The following PDXK variants were observed in gnomAD, a reference collection of about 807,000 sequenced individuals.
The protein encoded by PDXK is epididymis secretory sperm binding protein Li 1a.
In PDXK, 15 loss-of-function variants were observed where a neutral mutation model predicts 43.2. The observed-to-expected ratio is 0.35, with a 90% CI of 0.23 to 0.53. The LOEUF (loss-of-function observed/expected upper bound fraction) is 0.53. PDXK is among the 20% of genes least tolerant of loss of function. PDXK has a pLI of 0.92. For synonymous variants in PDXK, 172 were observed against 165.4 expected (o/e 1.04, Z -0.31); for missense variants, 343 against 417.0 (o/e 0.82, Z 1.54).
Position 43,737,459 on chromosome 21 carries a change from C to T in PDXK, c.142+3336C>T, listed in dbSNP as rs1218050091. On this transcript the variant is annotated intron_variant, in intron 2 of 10. Coordinates refer to ENST00000291565, the MANE Select transcript of PDXK (RefSeq NM_003681.5). This position sits in a 1 kb window ranked among gnomAD's most constrained non-coding sequence, Gnocchi z 4.8. Reference sequence around the variant, plus strand: ...GCCCCTTTGAGAGGATTTCCTGGAGCTCCCTGTCTGAGCTTCCCGGACTGA... The same window carrying T: ...GCCCCTTTGAGAGGATTTCCTGGAGTTCCCTGTCTGAGCTTCCCGGACTGA... 1.0e-5 allele frequency: 11 copies of T among 1,069,834 alleles called. No individual in the cohort carries two copies. In the Admixed American group the frequency reaches 1.5e-4, roughly 14 times the overall value. 66.3% of individuals were successfully genotyped at this position (1,069,834 alleles called of 1,614,324 possible).
chr21:43,755,790 G>C, intron 10 of PDXK, 26 bp downstream of exon 10: 1 of 1,603,806 alleles, frequency 6.2e-7, no homozygotes. Flanking sequence ...TGCATGGGCT[G>C]CGTGGGCTCC....
chr21:43,727,573 C>G (rs2083267136), intron 1 of PDXK, among the ~76,000 whole-genome samples: 2 of 152,294 alleles, frequency 1.3e-5, no homozygotes, highest in South Asian at 4.1e-4. Flanking sequence ...GTGACAGTCA[C>G]CAAGCCTCTG....
At chr21:43,738,642 T>C (rs1303784531) in intron 2 of PDXK, 1 of 152,424 alleles carries the variant, frequency 6.6e-6, no homozygotes, top group African/African-American at 2.4e-5. Context: ...TTCGAAGCAC[T>C]GGACTGTGGA....
rs1242694522 is a variant in PDXK at position 43,733,349 on chromosome 21, CAG to C, written c.88-719_88-718del. 5.4e-5 allele frequency among the ~76,000 whole-genome samples: 8 copies of C among 147,162 alleles called. No individual in the cohort carries two copies. The South Asian group carries it at 6.4e-4, about 12-fold the overall frequency. ...TGGCTTTGAACTTGAAGGTGGGACTCAGGGGTGGTTGGCTGTTCAGATGCAGC... is the reference window on the plus strand; with the variant it reads ...TGGCTTTGAACTTGAAGGTGGGACTCGGGTGGTTGGCTGTTCAGATGCAGC... On this transcript the variant is annotated intron_variant, in intron 1 of 10. Transcript: ENST00000291565.
chr21:43,719,381 G>A lies in PDXK; in HGVS notation c.87G>A (p.Gln29=). The stretch of plus-strand genomic sequence containing the variant: ...ACCGGGCGGCCACGTTCCCGCTGCA[G>A]GTACGCATCCGCCCGCAGCCCGGGC... ...VGNRAATFPL[Q]VLGFEIDAVN... Residue 29 remains glutamine (Q), a splice_region_variant and synonymous_variant, in exon 1 of 11, where the codon CAG becomes CAA. Transcript: ENST00000291565. 1 of 1,522,750 alleles carries A rather than the reference G, an allele frequency of 6.6e-7. No homozygotes were observed. 94.3% of individuals were successfully genotyped at this position (1,522,750 alleles called of 1,614,324 possible). A position where few individuals can be genotyped will look rare whatever the true frequency, so the allele number is the denominator to read the frequency against.
rs903710833 is a variant in PDXK, at chr21:43,754,682, G to A, written c.759+963G>A. ...CCCTTTGGAATGTGGGGCAGGGCAG[G>A]GGTGCCATGGGAGTGACAGGAGGAA... On this transcript the variant is annotated intron_variant, in intron 9 of 10. Coordinates refer to ENST00000291565, the MANE Select transcript of PDXK (RefSeq NM_003681.5). The surrounding 1 kb of genome is among the most constrained non-coding windows in gnomAD (Gnocchi z 5.5). 6.6e-6 allele frequency among the ~76,000 whole-genome samples: 1 copy of A among 152,114 alleles called. No individual in the cohort carries two copies. Among genetic ancestry groups the A allele is most frequent in the African/African-American group, 2.4e-5 (1 of 41,432 alleles).
At chr21:43,741,835 G>T (rs1162588235) in intron 3 of PDXK, 64 bp downstream of exon 3, 3 of 1,146,344 alleles carry the variant, frequency 2.6e-6, no homozygotes, top group Non-Finnish European at 3.9e-6. Flanking sequence ...GTGGGCTCAG[G>T]GAGGTCCAGA....
chr21:43,736,833 A>ATGTT, intron 2 of PDXK: 1 of 674,102 alleles, frequency 1.5e-6, no homozygotes, highest in Non-Finnish European at 2.7e-6. Flanking sequence ...GAGTCTCACT[A>ATGTT]TGTTGCCCAA....
intron 1 of PDXK, chr21:43,728,593 C>A: frequency 2.3e-6 from 1 of 428,752 alleles, no homozygotes; most frequent in Non-Finnish European, 3.1e-6. Flanking sequence ...CACGTAGTGT[C>A]TGGCTGTCTG....
rs1018575784 is a variant in PDXK, at chr21:43,719,552, G to C, written c.87+171G>C. The C allele has an allele frequency of 4.1e-6, 4 of 968,234 alleles. No individual in the cohort carries two copies. The African/African-American group carries it at 7.0e-5, about 17-fold the overall frequency. 60.0% of individuals were successfully genotyped at this position (968,234 alleles called of 1,614,324 possible). A position where few individuals can be genotyped will look rare whatever the true frequency, so the allele number is the denominator to read the frequency against. ...GAGCCTCCCGCTCTGCTTGGCTTGC[G>C]GGGGCGGAAGCGGAGGGCTGAGCGC... On this transcript the variant is annotated intron_variant, in intron 1 of 10. Coordinates refer to ENST00000291565, the MANE Select transcript of PDXK (RefSeq NM_003681.5).
rs774496192 is a variant in PDXK at position 43,756,278 on chromosome 21, G to A, written c.*215G>A. The A allele has an allele frequency of 3.4e-5, 15 of 446,926 alleles. No homozygotes were observed. Among genetic ancestry groups the A allele is most frequent in the Non-Finnish European group, 4.9e-5 (12 of 246,366 alleles). The allele number at this position is 446,926 out of a possible 1,614,324, so 27.7% of individuals were successfully genotyped here. On this transcript the variant is annotated 3_prime_UTR_variant, in exon 11 of 11. Coordinates refer to ENST00000291565, the MANE Select transcript of PDXK (RefSeq NM_003681.5). Reference sequence around the variant, plus strand: ...ACAGAAATTTGTGATCTGAAAACCCGGCTCCCTTCCCCACAAGGCTCCTGG... The same window carrying A: ...ACAGAAATTTGTGATCTGAAAACCCAGCTCCCTTCCCCACAAGGCTCCTGG...
chr21:43,755,178 CTG>C (rs900739860), intron 9 of PDXK, among the ~76,000 whole-genome samples: 5 of 150,652 alleles, frequency 3.3e-5, no homozygotes, highest in Non-Finnish European at 5.9e-5. Flanking sequence ...ACCTTTGACT[CTG>C]AGGCATCACT....
At chr21:43,720,233 G>T (rs2083195630) in intron 1 of PDXK, among the ~76,000 whole-genome samples, 1 of 152,176 alleles carries the variant, frequency 6.6e-6, no homozygotes. Context: ...GTCAGCAGGA[G>T]GGCTGGGGGT....
At chr21:43,747,416 C>T (rs1469215769) in intron 5 of PDXK, among the ~76,000 whole-genome samples, 6 of 152,282 alleles carry the variant, frequency 3.9e-5, no homozygotes, top group Non-Finnish European at 5.9e-5. Flanking sequence ...GCACAGCGGG[C>T]TTCTCCACTG....
At position 43,719,445 on chromosome 21, in the gene PDXK, G is replaced by C. The variant is rs539944272; in HGVS notation, c.87+64G>C. On this transcript the variant is annotated intron_variant, in intron 1 of 10. Coordinates refer to ENST00000291565, the MANE Select transcript of PDXK (RefSeq NM_003681.5). ...GCCCGTGACCTTGGCGGGGCTGCCC[G>C]AGACGAGCCTCAGTTCCCCGAGGGA... The C allele has an allele frequency of 5.7e-5, 83 of 1,443,654 alleles. 1 individual carries two copies. The South Asian group carries it at 9.6e-4, about 17-fold the overall frequency. 89.4% of individuals were successfully genotyped at this position (1,443,654 alleles called of 1,614,324 possible). A position where few individuals can be genotyped will look rare whatever the true frequency, so the allele number is the denominator to read the frequency against.
intron 1 of PDXK, chr21:43,733,505 C>T (rs1029002654): frequency 4.0e-6 from 1 of 249,442 alleles, no homozygotes; most frequent in African/African-American, 2.3e-5. Context: ...TTCCGTCCTT[C>T]CTCTCCATCT....
rs1385575451 is a variant in PDXK, at chr21:43,741,808, A to G, written c.247+37A>G. On this transcript the variant is annotated intron_variant, in intron 3 of 10. Transcript: ENST00000291565. ...AGCAAGCTGCCGCAGGGGACTACGC[A>G]CCCCACTCCAGCCAGGGTGGGCTCA... 5 of 1,377,400 alleles carry G rather than the reference A, an allele frequency of 3.6e-6. No individual in the cohort carries two copies. The South Asian group carries it at 5.8e-5, about 16-fold the overall frequency. The allele number at this position is 1,377,400 out of a possible 1,614,324, so 85.3% of individuals were successfully genotyped here.
At chr21:43,722,568 C>A (rs928340465) in intron 1 of PDXK, among the ~76,000 whole-genome samples, 4 of 152,178 alleles carry the variant, frequency 2.6e-5, no homozygotes, top group African/African-American at 9.7e-5. Flanking sequence ...CAGAAATTCA[C>A]CTCTCATAGT....
rs1568984002 is a variant in PDXK at position 43,741,649 on chromosome 21, G to GGGTAT, written c.143-17_143-16insGTATG. ...GGCCCCCTTGTGTCTGAGCCCCCATGGCTTCCTCTGCCTCTAGGCTATGCC... is the reference window on the plus strand; with the variant it reads ...GGCCCCCTTGTGTCTGAGCCCCCATGGGTATGCTTCCTCTGCCTCTAGGCTATGCC... On this transcript the variant is annotated splice_polypyrimidine_tract_variant and intron_variant, in intron 2 of 10. Transcript: ENST00000291565. 1 of 1,607,114 alleles carries GGGTAT rather than the reference G, an allele frequency of 6.2e-7. No homozygotes were observed. The highest frequency in any genetic ancestry group is 1.1e-5 in the South Asian group (1 of 90,870).
Sources: gnomAD v4.1 joint callset for allele counts (sites outside exome capture counted in the v4.1 genomes callset) on GRCh38, gnomAD v4.1.1 for gene constraint, Gnocchi (gnomAD v3.1) non-coding constraint, MANE v1.5 for transcripts, NCBI Gene and HGNC (gene_info 2026-07-23, HGNC 2026-07-21) for gene names.